MORC4: variants seen among roughly 807,000 people sequenced by gnomAD.
MORC4 encodes the protein MORC family CW-type zinc finger protein 4.
Under a neutral mutation model 65.5 loss-of-function variants are expected in MORC4, and 22 were observed. The observed-to-expected ratio is 0.34, with a 90% CI of 0.24 to 0.48. The LOEUF (loss-of-function observed/expected upper bound fraction) is 0.48. Among genes scored for constraint, MORC4 ranks in the 20% least tolerant of loss-of-function variants. MORC4 has a pLI of 0.99. For missense variants in MORC4, 624 were observed against 703.0 expected (o/e 0.89, Z 1.27); for synonymous variants, 267 against 255.8 (o/e 1.04, Z -0.42).
chrX:106,949,359 A>T (rs1474402859), intron 14 of MORC4, among the ~76,000 whole-genome samples: 1 of 112,202 alleles, frequency 8.9e-6, no homozygotes, highest in African/African-American at 3.2e-5. Context: ...TTTGTCTGAT[A>T]AATCCAATAT....
intron 14 of MORC4, among the ~76,000 whole-genome samples, chrX:106,950,609 C>G (rs1325841119): frequency 8.9e-6 from 1 of 112,210 alleles, no homozygotes; most frequent in Non-Finnish European, 1.9e-5. Flanking sequence ...ACTTGCTGTT[C>G]CTTTGTGAGT....
At chrX:106,997,693 T>C (rs1935105200) in intron 2 of MORC4, among the ~76,000 whole-genome samples, 1 of 112,486 alleles carries the variant, frequency 8.9e-6, no homozygotes, top group African/African-American at 3.2e-5. Context: ...ACTTTTTAAG[T>C]ACCTATCGTT....
At chrX:106,963,991 G>GCATA (rs1489512543) in intron 9 of MORC4, among the ~76,000 whole-genome samples, 1 of 110,107 alleles carries the variant, frequency 9.1e-6, no homozygotes, top group East Asian at 2.8e-4. Flanking sequence ...AAGTCACAAG[G>GCATA]CATACAAACA....
At chrX:106,960,947 T>G (rs1023304165) in intron 10 of MORC4, among the ~76,000 whole-genome samples, 1 of 112,005 alleles carries the variant, frequency 8.9e-6, no homozygotes. Context: ...CTTTTACCAC[T>G]CTAATGTTTG....
At chrX:106,985,005 T>C (rs1934838754) in intron 5 of MORC4, 91 bp downstream of exon 5, 1 of 848,263 alleles carries the variant, frequency 1.2e-6, no homozygotes, top group Non-Finnish European at 1.6e-6. Flanking sequence ...CCTGTCTTTT[T>C]ATAAAAATTT....
intron 9 of MORC4, among the ~76,000 whole-genome samples, chrX:106,968,380 C>G (rs1407047256): frequency 1.8e-5 from 2 of 110,692 alleles, no homozygotes; most frequent in African/African-American, 6.6e-5. Context: ...TTATAAACAC[C>G]ATTGACACTA....
At chrX:106,941,752 G>T (rs956234162) in intron 16 of MORC4, 120 bp from the exon 17 acceptor site, 1 of 847,788 alleles carries the variant, frequency 1.2e-6, no homozygotes, top group African/African-American at 2.0e-5. Context: ...TCATTAGCTA[G>T]AAAGAAGAAA....
At chrX:106,949,127 TTATC>T (rs1012651265) in intron 14 of MORC4, among the ~76,000 whole-genome samples, 9 of 111,973 alleles carry the variant, frequency 8.0e-5, no homozygotes, top group South Asian at 3.7e-4. Context: ...AATCTATAAC[TTATC>T]TATCTTCAAG....
chrX:106,974,652 G>A (rs1175586017), intron 9 of MORC4, among the ~76,000 whole-genome samples: 1 of 111,477 alleles, frequency 9.0e-6, no homozygotes, highest in Non-Finnish European at 1.9e-5. Flanking sequence ...ATGACTGTAA[G>A]CTCCACAACT....
intron 9 of MORC4, among the ~76,000 whole-genome samples, chrX:106,966,718 A>C (rs1934381135): frequency 1.8e-5 from 2 of 112,781 alleles, no homozygotes; most frequent in Non-Finnish European, 1.9e-5. Context: ...GGAACACGGG[A>C]GCTTGGCAGA....
At chrX:106,954,851 T>G (rs777279747) in intron 14 of MORC4, 62 bp downstream of exon 14, 66 of 1,054,369 alleles carry the variant, frequency 6.3e-5, no homozygotes, top group Non-Finnish European at 8.5e-5. Context: ...CATACCAACT[T>G]ACTCTACAGG....
At chrX:106,953,504 T>G (rs1205074244) in intron 14 of MORC4, among the ~76,000 whole-genome samples, 1 of 111,795 alleles carries the variant, frequency 8.9e-6, no homozygotes, top group Non-Finnish European at 1.9e-5. Context: ...AACGGTGTAA[T>G]TAGGCTCAAG....
At chrX:106,985,333 A>T in intron 4 of MORC4, 90 bp from the exon 5 acceptor site, 5 of 644,470 alleles carry the variant, frequency 7.8e-6, no homozygotes, top group Non-Finnish European at 1.2e-5. Flanking sequence ...TTTAGACAAA[A>T]CTATAGACAT....
intron 8 of MORC4, 44 bp from the exon 9 acceptor site, chrX:106,976,728 T>C (rs751576780): frequency 1.0e-6 from 1 of 958,918 alleles, no homozygotes; most frequent in Admixed American, 2.2e-5. Context: ...TACTGTTGGC[T>C]GCCTGGAGGC....
chrX:106,956,594 C>T, intron 12 of MORC4, 60 bp from the exon 13 acceptor site: 1 of 918,443 alleles, frequency 1.1e-6, no homozygotes, highest in Non-Finnish European at 1.6e-6. Context: ...TTGAAATGGA[C>T]TGCCAATTGT....
At chrX:106,967,355 G>C (rs988443761) in intron 9 of MORC4, among the ~76,000 whole-genome samples, 9 of 112,064 alleles carry the variant, frequency 8.0e-5, no homozygotes, top group African/African-American at 2.9e-4. Flanking sequence ...CACAAAGATG[G>C]GGAGAAACCA....
chrX:106,996,462 TA>T (rs1054717844), intron 2 of MORC4, among the ~76,000 whole-genome samples: 4 of 110,892 alleles, frequency 3.6e-5, no homozygotes, highest in Non-Finnish European at 7.6e-5. Flanking sequence ...ACAATAATAA[TA>T]AGGCTGGCCT....
At position 106,980,961 on chromosome X, in the gene MORC4, T is replaced by C; in HGVS notation, c.866A>G (p.Lys289Arg). 6 of 1,209,103 alleles carry C rather than the reference T, an allele frequency of 5.0e-6. No homozygotes were observed. The highest frequency in any genetic ancestry group is 6.7e-6 in the Non-Finnish European group (6 of 893,159). The change falls in exon 7 of 17, where the codon AAG (lysine) becomes AGG (arginine). Residue 289 changes from lysine (K) to arginine (R), a missense_variant. Lys to Arg is a conservative substitution (Grantham distance 26). Transcript: ENST00000355610. ...CTTGGCAATCATCTGGGTAGTCACC[T>C]TCTTTTGACGCAGAAAAATTTTCAT... ...PRMKIFLRQK[K>R]VTTQMIAKSL...
At position 106,943,108 on chromosome X, in the gene MORC4, G is replaced by A. The variant is rs1274059994; in HGVS notation, c.1783C>T (p.Pro595Ser). 2 of 1,208,826 alleles carry A rather than the reference G, an allele frequency of 1.7e-6. No individual in the cohort carries two copies. The change falls in exon 15 of 17, where the codon CCT becomes TCT. Residue 595 changes from proline to serine, a missense_variant. Physicochemically the swap from Pro to Ser is moderately conservative, Grantham distance 74. Coordinates refer to ENST00000355610, the MANE Select transcript of MORC4 (RefSeq NM_024657.5). ...TPSLDYSMPA[P>S]YRRVEAPVAY... ...ACAGGTGCTTCTACCCTCCTGTAAG[G>A]AGCAGGCATGGAATAATCTAGAGAA...
Sources: allele counts gnomAD v4.1 joint callset (sites outside exome capture counted in the v4.1 genomes callset), GRCh38; gene constraint gnomAD v4.1.1; transcripts MANE v1.5; gene names NCBI Gene and HGNC (gene_info 2026-07-23, HGNC 2026-07-21).